TMTC2: variants seen among roughly 807,000 people sequenced by gnomAD.
TMTC2 encodes the protein protein O-mannosyl-transferase TMTC2.
A neutral mutation model predicts 82.4 loss-of-function variants in TMTC2; 43 were observed. That is an observed-to-expected ratio of 0.52 (90% CI 0.41 to 0.67). TMTC2 has a LOEUF of 0.67. Among genes scored for constraint, TMTC2 ranks in the 30% least tolerant of loss-of-function variants. TMTC2 has a pLI of 0.00. For synonymous variants in TMTC2, 408 were observed against 381.9 expected, an observed-to-expected ratio of 1.07 and a Z score of -0.80; for missense variants, 919 against 1,012.4, an observed-to-expected ratio of 0.91 and a Z score of 1.25.
intron 1 of TMTC2, among the ~76,000 whole-genome samples, chr12:82,822,228 T>C (rs114553639): frequency 0.012 from 1,815 of 152,256 alleles, 36 homozygotes; most frequent in African/African-American, 0.042. Flanking sequence ...TGATATGTAA[T>C]GGTGGATACA....
chr12:83,108,459 G>A (rs531335841), intron 11 of TMTC2, among the ~76,000 whole-genome samples: 9 of 152,014 alleles, frequency 5.9e-5, no homozygotes, highest in South Asian at 2.1e-4. Context: ...TCAAACCCCC[G>A]TCTCTACTAA....
intron 4 of TMTC2, among the ~76,000 whole-genome samples, chr12:82,942,929 A>G (rs1876802706): frequency 6.6e-6 from 1 of 152,228 alleles, no homozygotes; most frequent in African/African-American, 2.4e-5. Flanking sequence ...AGTTAAAATT[A>G]TAAATTGTAT....
At chr12:82,853,217 C>G (rs1871076791) in intron 1 of TMTC2, among the ~76,000 whole-genome samples, 1 of 152,114 alleles carries the variant, frequency 6.6e-6, no homozygotes, top group Non-Finnish European at 1.5e-5. Context: ...ATTCTCCTGC[C>G]TCAGGCTCTT....
intron 1 of TMTC2, among the ~76,000 whole-genome samples, chr12:82,781,094 C>A (rs1459741008): frequency 6.6e-6 from 1 of 151,836 alleles, no homozygotes; most frequent in East Asian, 1.9e-4. Flanking sequence ...AAATCTCTTC[C>A]CATTCAGAGT....
intron 3 of TMTC2, among the ~76,000 whole-genome samples, chr12:82,904,851 T>C (rs1488102772): frequency 6.6e-6 from 1 of 152,308 alleles, no homozygotes; most frequent in East Asian, 1.9e-4. Context: ...TTTGGCACCA[T>C]TGATCTCTGT....
chr12:83,065,743 C>T (rs1003510134), intron 11 of TMTC2, among the ~76,000 whole-genome samples: 2 of 151,850 alleles, frequency 1.3e-5, no homozygotes, highest in Non-Finnish European at 2.9e-5. Flanking sequence ...AATGCTGACT[C>T]TCAAGGACTA....
chr12:82,854,130 A>G (rs1213848258), intron 1 of TMTC2, among the ~76,000 whole-genome samples: 2 of 152,148 alleles, frequency 1.3e-5, no homozygotes, highest in Admixed American at 6.5e-5. Context: ...ATACATGGAG[A>G]CTTGTAAAAA....
chr12:82,716,223 T>A (rs1467424072), intron 1 of TMTC2, among the ~76,000 whole-genome samples: 1 of 152,228 alleles, frequency 6.6e-6, no homozygotes, highest in Non-Finnish European at 1.5e-5. Context: ...GCAAGCTTTT[T>A]ATTTCTAGAC....
intron 11 of TMTC2, among the ~76,000 whole-genome samples, chr12:83,100,462 C>T (rs1884181503): frequency 6.6e-6 from 1 of 152,016 alleles, no homozygotes; most frequent in Non-Finnish European, 1.5e-5. Flanking sequence ...TTTCCAAAGT[C>T]ACAGAGGTAG....
intron 2 of TMTC2, among the ~76,000 whole-genome samples, chr12:82,858,615 G>C (rs17726039): frequency 0.018 from 2,722 of 151,172 alleles, 37 homozygotes; most frequent in Middle Eastern, 0.031. Context: ...TGAGGCAAAT[G>C]CTGTTCGAAA....
At chr12:82,868,308 C>T (rs1393031312) in intron 2 of TMTC2, among the ~76,000 whole-genome samples, 1 of 152,102 alleles carries the variant, frequency 6.6e-6, no homozygotes, top group Non-Finnish European at 1.5e-5. Context: ...TGTCAATCAG[C>T]AAAGAATGGA....
intron 1 of TMTC2, among the ~76,000 whole-genome samples, chr12:82,796,193 G>C (rs78300984): frequency 1.2e-4 from 18 of 152,040 alleles, no homozygotes; most frequent in Admixed American, 6.5e-5. Flanking sequence ...ATTTGTAGCC[G>C]GGACGACCTG....
rs538847819 is a variant in TMTC2, at chr12:82,921,961, G to T, written c.1484-8470G>T. Reference sequence around the variant, plus strand: ...AAATTAAAATTAAAAAAAAAAAAAGGCCAGTCATGGTGGTGCACATTTGTA... The same window carrying T: ...AAATTAAAATTAAAAAAAAAAAAAGTCCAGTCATGGTGGTGCACATTTGTA... On this transcript the variant is annotated intron_variant, in intron 3 of 11. Coordinates refer to ENST00000321196, the MANE Select transcript of TMTC2 (RefSeq NM_152588.3). Among the ~76,000 whole-genome samples the T allele has an allele frequency of 4.0e-5, 6 of 151,174 alleles. No individual in the cohort carries two copies. In the South Asian group the frequency reaches 1.0e-3, roughly 26 times the overall value.
chr12:82,766,177 A>G (rs1565741004), intron 1 of TMTC2, among the ~76,000 whole-genome samples: 2 of 152,174 alleles, frequency 1.3e-5, no homozygotes, highest in Non-Finnish European at 2.9e-5. Flanking sequence ...CCTATGTTCA[A>G]TATCACCTCA....
At chr12:82,735,096 TGA>T (rs982432915) in intron 1 of TMTC2, among the ~76,000 whole-genome samples, 6 of 152,252 alleles carry the variant, frequency 3.9e-5, no homozygotes, top group Admixed American at 1.3e-4. Context: ...TCAAATGAAG[TGA>T]GAGAGATACT....
chr12:82,905,908 G>A (rs1173215629), intron 3 of TMTC2, among the ~76,000 whole-genome samples: 1 of 150,298 alleles, frequency 6.7e-6, no homozygotes, highest in Non-Finnish European at 1.5e-5. Context: ...TCGCGTCATT[G>A]CACCCCAGCC....
Position 82,857,225 on chromosome 12 carries a change from G to A in TMTC2, c.299G>A (p.Gly100Asp), listed in dbSNP as rs1269898878. The A allele has an allele frequency of 6.2e-7, 1 of 1,613,980 alleles. No individual in the cohort carries two copies. Among genetic ancestry groups the A allele is most frequent in the Non-Finnish European group, 8.5e-7 (1 of 1,180,040 alleles). The change falls in exon 2 of 12, where the codon GGT (glycine) becomes GAT (aspartate). Residue 100 changes from glycine (G) to aspartate (D), a missense_variant. Gly to Asp is a moderately conservative substitution (Grantham distance 94). Transcript: ENST00000321196. ...VNVLLHAAVT[G>D]LFTSFSKILL... is the part of the protein sequence containing the mutation. Reference sequence around the variant, plus strand: ...GTCCTGTTGCATGCAGCAGTCACTGGTCTCTTCACAAGCTTCTCCAAGATC... The same window carrying A: ...GTCCTGTTGCATGCAGCAGTCACTGATCTCTTCACAAGCTTCTCCAAGATC...
At chr12:82,767,448 G>A (rs778874976) in intron 1 of TMTC2, among the ~76,000 whole-genome samples, 19 of 152,120 alleles carry the variant, frequency 1.2e-4, no homozygotes, top group Admixed American at 3.9e-4. Flanking sequence ...TTAGCTGGGC[G>A]TTGTGGCACA....
chr12:82,823,891 CT>C (rs1270272505), intron 1 of TMTC2, among the ~76,000 whole-genome samples: 3 of 146,646 alleles, frequency 2.0e-5, no homozygotes, highest in Non-Finnish European at 3.0e-5. Flanking sequence ...GGCCATTATT[CT>C]ATTTTTTTTT....
Sources: allele counts gnomAD v4.1 joint callset (sites outside exome capture counted in the v4.1 genomes callset), GRCh38; gene constraint gnomAD v4.1.1; transcripts MANE v1.5; gene names NCBI Gene and HGNC (gene_info 2026-07-23, HGNC 2026-07-21).